Variants in TANC1 observed in about 807,000 individuals in gnomAD.
TANC1 encodes the protein protein TANC1.
TANC1 carries 77 observed loss-of-function variants against 149.7 expected under a neutral mutation model. The ratio of observed to expected loss-of-function variants is 0.51; its 90% CI spans 0.43 to 0.62. The LOEUF (loss-of-function observed/expected upper bound fraction) is 0.62. Among genes scored for constraint, TANC1 ranks in the 20% least tolerant of loss-of-function variants. TANC1 has a pLI of 0.00. For synonymous variants in TANC1, 854 were observed against 925.0 expected (o/e 0.92, Z 1.39); for missense variants, 1,985 against 2,321.8 (o/e 0.85, Z 2.98).
intron 3 of TANC1, among the ~76,000 whole-genome samples, chr2:159,066,372 C>CCA: frequency 6.6e-6 from 1 of 151,972 alleles, no homozygotes; most frequent in Non-Finnish European, 1.5e-5. Context: ...TATGATAAAG[C>CCA]CACTGTACTC....
chr2:159,120,238 A>C (rs1183774653), intron 4 of TANC1, among the ~76,000 whole-genome samples: 2 of 152,182 alleles, frequency 1.3e-5, no homozygotes, highest in African/African-American at 2.4e-5. Flanking sequence ...CTGTGATAGC[A>C]TGTGGAAGGT....
chr2:159,205,826 T>C (rs1284855256), intron 19 of TANC1, among the ~76,000 whole-genome samples: 2 of 152,190 alleles, frequency 1.3e-5, no homozygotes, highest in Non-Finnish European at 2.9e-5. Context: ...AGGTGAGAGA[T>C]TGGAAGGAAA....
chr2:159,231,078 G>GT lies in TANC1; in HGVS notation c.*73dup, dbSNP rs1220261150. On this transcript the variant is annotated 3_prime_UTR_variant, in exon 27 of 27. Coordinates refer to ENST00000263635, the MANE Select transcript of TANC1 (RefSeq NM_033394.3). ...TTGACTCCTGGTGGTAAATTAAATA[G>GT]TTTTTTTCATCAGAAAAATTATTTT... is the stretch of plus-strand genomic sequence containing the variant. 1.5e-4 allele frequency: 192 copies of GT among 1,291,254 alleles called. No individual in the cohort carries two copies. The highest frequency in any genetic ancestry group is 2.0e-4 in the Non-Finnish European group (186 of 943,740). 80.0% of individuals were successfully genotyped at this position (1,291,254 alleles called of 1,614,324 possible).
chr2:159,071,328 G>A (rs982063212), intron 3 of TANC1, among the ~76,000 whole-genome samples: 3 of 152,146 alleles, frequency 2.0e-5, no homozygotes, highest in African/African-American at 7.2e-5. Context: ...TCTTTTATTT[G>A]TAGTTAAATT....
chr2:159,228,872 G>A lies in TANC1; in HGVS notation c.4127G>A (p.Arg1376Lys). 6.2e-7 allele frequency: 1 copy of A among 1,614,098 alleles called. No individual in the cohort carries two copies. The highest frequency in any genetic ancestry group is 8.5e-7 in the Non-Finnish European group (1 of 1,179,946). ...KPKSYEAFYA[R>K]ARAKRNSRQF... ...AAGTCCTATGAAGCCTTTTATGCCAGAGCAAGAGCGAAGAGAAATAGCAGG... is the reference window on the plus strand; with the variant it reads ...AAGTCCTATGAAGCCTTTTATGCCAAAGCAAGAGCGAAGAGAAATAGCAGG... The change falls in exon 26 of 27, where the codon AGA (arginine) becomes AAA (lysine). Residue 1376 changes from arginine to lysine, a missense_variant. Arg to Lys is a conservative substitution (Grantham distance 26). This residue lies in a region of TANC1 where 920 missense variants were observed against 994.7 expected (regional missense o/e 0.92). Transcript: ENST00000263635.
At chr2:159,062,242 C>T (rs1216456512) in intron 2 of TANC1, among the ~76,000 whole-genome samples, 1 of 151,406 alleles carries the variant, frequency 6.6e-6, no homozygotes, top group Non-Finnish European at 1.5e-5. Flanking sequence ...CTTCTCAAAA[C>T]AAACAAACAA....
intron 2 of TANC1, among the ~76,000 whole-genome samples, chr2:159,022,040 A>G (rs1012970909): frequency 1.3e-5 from 2 of 152,208 alleles, no homozygotes; most frequent in African/African-American, 4.8e-5. Flanking sequence ...AGAACTGTGG[A>G]AAAAAAGAGC....
intron 4 of TANC1, among the ~76,000 whole-genome samples, chr2:159,135,918 T>C (rs571759832): frequency 6.6e-6 from 1 of 152,256 alleles, no homozygotes; most frequent in East Asian, 1.9e-4. Flanking sequence ...TTTGTTTTTG[T>C]TAGGGTTTAC....
chr2:159,160,723 CCT>C (rs1265640028), intron 7 of TANC1, among the ~76,000 whole-genome samples: 1 of 152,160 alleles, frequency 6.6e-6, no homozygotes, highest in East Asian at 1.9e-4. Flanking sequence ...AGCCTCCCTG[CCT>C]CTGAGAACCC....
intron 3 of TANC1, among the ~76,000 whole-genome samples, chr2:159,076,288 A>G (rs539243912): frequency 9.9e-5 from 15 of 152,268 alleles, no homozygotes; most frequent in South Asian, 4.1e-4. Flanking sequence ...GAAACTGCCT[A>G]TGTTCTATAG....
In TANC1 at chr2:159,217,682, C is replaced by G. The variant is rs766710974; in HGVS notation, c.3378+52C>G. On this transcript the variant is annotated intron_variant, in intron 20 of 26. Coordinates refer to ENST00000263635, the MANE Select transcript of TANC1 (RefSeq NM_033394.3). ...AGAAGCAATGAGTGGGGATGGAGTT[C>G]ACTATTGCCTGGCTCCCCTGAGAAC... 4 of 1,600,262 alleles carry G rather than the reference C, an allele frequency of 2.5e-6. No homozygotes were observed. In the African/African-American group the frequency reaches 5.4e-5, roughly 21 times the overall value.
rs1160431426 is a variant in TANC1, at chr2:159,025,184, C to CTTTCT, written c.-16+24003_-16+24007dup. Among the ~76,000 whole-genome samples the CTTTCT allele has an allele frequency of 6.0e-5, 8 of 134,392 alleles. No homozygotes were observed. The South Asian group carries it at 7.6e-4, about 13-fold the overall frequency. 88.2% of individuals were successfully genotyped at this position (134,392 alleles called of 152,430 possible). A position where few individuals can be genotyped will look rare whatever the true frequency, so the allele number is the denominator to read the frequency against. On this transcript the variant is annotated intron_variant, in intron 2 of 26. Coordinates refer to ENST00000263635, the MANE Select transcript of TANC1 (RefSeq NM_033394.3). ...TCTTTTTCTTTCTTTCTTTCTTTTT[C>CTTTCT]TTTCTTTTCTTTCTTTCTTTCTTTC...
chr2:159,163,368 T>C lies in TANC1; in HGVS notation c.768T>C (p.Val256=). The change falls in exon 8 of 27, where the codon GTT becomes GTC. Residue 256 remains valine, a synonymous_variant. Transcript: ENST00000263635. ...WNKDGNLRLG[V]QKGVLHDRRA... The stretch of plus-strand genomic sequence containing the variant: ...AAGATGGAAACCTAAGATTAGGGGT[T>C]CAGAAGGGAGTGCTTCATGACCGCA... The C allele has an allele frequency of 1.9e-6, 3 of 1,614,224 alleles. No individual in the cohort carries two copies. Among genetic ancestry groups the C allele is most frequent in the Non-Finnish European group, 1.7e-6 (2 of 1,180,038 alleles).
chr2:159,065,862 T>G (rs1211997359), intron 2 of TANC1, 34 bp from the exon 3 acceptor site: 1 of 1,565,922 alleles, frequency 6.4e-7, no homozygotes, highest in African/African-American at 1.4e-5. Flanking sequence ...TTTCAATGTT[T>G]AATTCCTCTT....
At chr2:159,165,849 A>G (rs1476106626) in intron 8 of TANC1, among the ~76,000 whole-genome samples, 1 of 152,250 alleles carries the variant, frequency 6.6e-6, no homozygotes, top group African/African-American at 2.4e-5. Context: ...CAGCCTCCTC[A>G]TGGGGCTGGC....
intron 10 of TANC1, 152 bp from the exon 11 acceptor site, chr2:159,171,969 G>A: frequency 1.7e-6 from 1 of 596,162 alleles, no homozygotes; most frequent in Non-Finnish European, 2.8e-6. Context: ...GCAGACAGAT[G>A]GGAACCTGTG....
At chr2:159,043,876 A>G (rs1047070539) in intron 2 of TANC1, among the ~76,000 whole-genome samples, 5 of 152,204 alleles carry the variant, frequency 3.3e-5, no homozygotes, top group African/African-American at 1.2e-4. Context: ...TGGAAGACAA[A>G]TAAGGAAACA....
intron 4 of TANC1, among the ~76,000 whole-genome samples, chr2:159,117,101 CCCT>C (rs1340957972): frequency 1.3e-5 from 2 of 152,306 alleles, no homozygotes; most frequent in Middle Eastern, 3.4e-3. Flanking sequence ...TGCTGCTTTA[CCCT>C]CCTCTATGCT....
intron 8 of TANC1, among the ~76,000 whole-genome samples, chr2:159,167,177 G>A (rs1018232246): frequency 1.2e-4 from 18 of 152,124 alleles, no homozygotes; most frequent in African/African-American, 4.3e-4. Flanking sequence ...TTATTCTCTA[G>A]GGCTGCAGCA....
Sources: allele counts gnomAD v4.1 joint callset (sites outside exome capture counted in the v4.1 genomes callset), GRCh38; gene constraint gnomAD v4.1.1; regional missense constraint gnomAD v4.1.1; transcripts MANE v1.5; gene names NCBI Gene and HGNC (gene_info 2026-07-23, HGNC 2026-07-21).